PRLR: variants seen among roughly 807,000 people sequenced by gnomAD.
PRLR encodes prolactin receptor.
PRLR carries 13 observed loss-of-function variants against 40.2 expected under a neutral mutation model. The ratio of observed to expected loss-of-function variants is 0.32; its 90% CI spans 0.21 to 0.51. The LOEUF (loss-of-function observed/expected upper bound fraction) is 0.51. Among genes scored for constraint, PRLR ranks in the 20% least tolerant of loss-of-function variants. PRLR has a pLI of 0.97. For missense variants in PRLR, 656 were observed against 747.3 expected, an observed-to-expected ratio of 0.88 and a Z score of 1.42; for synonymous variants, 269 against 278.7, an observed-to-expected ratio of 0.97 and a Z score of 0.35.
chr5:35,075,853 A>C (rs956677439), intron 5 of PRLR, among the ~76,000 whole-genome samples: 4 of 152,232 alleles, frequency 2.6e-5, no homozygotes, highest in Admixed American at 1.3e-4. Flanking sequence ...CAGAGGAAGG[A>C]TCAGGCAGCA....
intron 1 of PRLR, among the ~76,000 whole-genome samples, chr5:35,215,676 C>T (rs2111655754): frequency 6.6e-6 from 1 of 152,052 alleles, no homozygotes; most frequent in East Asian, 1.9e-4. Context: ...GCAAGATGTA[C>T]AAAAGACCCT....
intron 1 of PRLR, among the ~76,000 whole-genome samples, chr5:35,133,928 C>T (rs1415007870): frequency 6.6e-6 from 1 of 152,036 alleles, no homozygotes; most frequent in Non-Finnish European, 1.5e-5. Context: ...AAAAAATGAA[C>T]AACAAATGGA....
chr5:35,194,291 ACT>A (rs1775679019), intron 1 of PRLR, among the ~76,000 whole-genome samples: 1 of 152,034 alleles, frequency 6.6e-6, no homozygotes, highest in Admixed American at 6.5e-5. Flanking sequence ...ACCTCATGAC[ACT>A]CTGTCTATAA....
At chr5:35,055,426 G>C (rs917502363), downstream of PRLR, among the ~76,000 whole-genome samples, 2 of 152,122 alleles carry the variant, frequency 1.3e-5, no homozygotes, top group East Asian at 1.9e-4. Context: ...GTTCAGTTTT[G>C]ATTTAGAATT....
chr5:35,114,272 G>T (rs1169262093), intron 2 of PRLR, among the ~76,000 whole-genome samples: 1 of 152,170 alleles, frequency 6.6e-6, no homozygotes, highest in African/African-American at 2.4e-5. Flanking sequence ...ATTGAATTTG[G>T]CATGTCTTTT....
intron 8 of PRLR, among the ~76,000 whole-genome samples, 174 bp from the exon 9 acceptor site, chr5:35,068,459 T>C (rs1316076287): frequency 6.6e-6 from 1 of 152,162 alleles, no homozygotes; most frequent in African/African-American, 2.4e-5. Context: ...TAAAATTAAC[T>C]TTAGCTAATT....
chr5:35,113,897 T>C (rs1338659162), intron 2 of PRLR, among the ~76,000 whole-genome samples: 1 of 152,216 alleles, frequency 6.6e-6, no homozygotes, highest in Admixed American at 6.5e-5. Context: ...ACACTGCTGG[T>C]TGCTTCTCCA....
At chr5:35,102,696 C>A (rs938136707) in intron 2 of PRLR, among the ~76,000 whole-genome samples, 11 of 152,068 alleles carry the variant, frequency 7.2e-5, no homozygotes, top group African/African-American at 2.7e-4. Flanking sequence ...GCACACACTA[C>A]CATGCTCAGC....
intron 2 of PRLR, among the ~76,000 whole-genome samples, chr5:35,090,807 T>A (rs1193106115): frequency 1.0e-5 from 1 of 99,696 alleles, no homozygotes; most frequent in Non-Finnish European, 2.0e-5. Context: ...TTTTTTTTTT[T>A]TTTTTTTTTT....
chr5:35,199,670 AC>A (rs1340391580), intron 1 of PRLR, among the ~76,000 whole-genome samples: 1 of 152,332 alleles, frequency 6.6e-6, no homozygotes, highest in East Asian at 1.9e-4. Flanking sequence ...TTAAATGAGT[AC>A]TACAGTAACC....
chr5:35,115,486 T>C (rs1246250139), intron 2 of PRLR, among the ~76,000 whole-genome samples: 1 of 150,598 alleles, frequency 6.6e-6, no homozygotes, highest in East Asian at 2.0e-4. Context: ...ATTATAAGTA[T>C]AGAGCTTTAA....
At chr5:35,174,638 A>G (rs1001385534) in intron 1 of PRLR, among the ~76,000 whole-genome samples, 3 of 152,096 alleles carry the variant, frequency 2.0e-5, no homozygotes, top group East Asian at 1.9e-4. Context: ...TAGTTTTTCA[A>G]TGAAACCCTC....
chr5:35,081,778 A>ACACAC (rs1561278970), intron 5 of PRLR: 1 of 136,710 alleles, frequency 7.3e-6, no homozygotes, highest in Non-Finnish European at 1.7e-5. Flanking sequence ...GCAATACACA[A>ACACAC]ACACACACAC....
At chr5:35,052,205 T>C (rs1413778152), downstream of PRLR, among the ~76,000 whole-genome samples, 1 of 152,102 alleles carries the variant, frequency 6.6e-6, no homozygotes, top group Non-Finnish European at 1.5e-5. Flanking sequence ...GTTTAGCAAA[T>C]TGAACCTAAT....
Position 35,064,817 on chromosome 5 carries a change from C to T in PRLR, c.*272G>A. The T allele has an allele frequency of 2.5e-6, 1 of 399,272 alleles. No individual in the cohort carries two copies. The highest frequency in any genetic ancestry group is 4.5e-6 in the Non-Finnish European group (1 of 224,186). 24.7% of individuals were successfully genotyped at this position (399,272 alleles called of 1,614,324 possible). On this transcript the variant is annotated 3_prime_UTR_variant, in exon 10 of 10. Coordinates refer to ENST00000618457, the MANE Select transcript of PRLR (RefSeq NM_000949.7). Reference sequence around the variant, plus strand: ...GGATATACCTATTGGCATTGTCCCTCAAGAATACTAAGCAGTGTGCTTTTA... The same window carrying T: ...GGATATACCTATTGGCATTGTCCCTTAAGAATACTAAGCAGTGTGCTTTTA...
intron 1 of PRLR, among the ~76,000 whole-genome samples, chr5:35,208,916 A>G (rs1346150450): frequency 2.0e-5 from 3 of 152,134 alleles, no homozygotes; most frequent in Non-Finnish European, 4.4e-5. Flanking sequence ...ATGAAAATGA[A>G]TATTATTTTA....
At chr5:35,116,362 C>T (rs995276664) in intron 2 of PRLR, among the ~76,000 whole-genome samples, 3 of 152,084 alleles carry the variant, frequency 2.0e-5, no homozygotes, top group Admixed American at 2.0e-4. Context: ...AGAGTGGTGA[C>T]CTGTTTGCTG....
chr5:35,149,972 C>T (rs1426080880), intron 1 of PRLR, among the ~76,000 whole-genome samples: 3 of 152,182 alleles, frequency 2.0e-5, no homozygotes, highest in Non-Finnish European at 4.4e-5. Flanking sequence ...GATTCTCCTG[C>T]CTCAGCCTCC....
At chr5:35,164,060 A>C (rs970508017) in intron 1 of PRLR, among the ~76,000 whole-genome samples, 1 of 152,204 alleles carries the variant, frequency 6.6e-6, no homozygotes, top group Admixed American at 6.5e-5. Flanking sequence ...GAACTAAATA[A>C]GTTTTTAGCT....
Sources: allele counts gnomAD v4.1 joint callset (sites outside exome capture counted in the v4.1 genomes callset), GRCh38; gene constraint gnomAD v4.1.1; transcripts MANE v1.5; gene names NCBI Gene and HGNC (gene_info 2026-07-23, HGNC 2026-07-21).